MMP13: variants seen among roughly 807,000 people sequenced by gnomAD.
MMP13 encodes the protein matrix metallopeptidase 13, also known as collagenase 3.
MMP13 carries 45 observed loss-of-function variants against 52.1 expected under a neutral mutation model. That is an observed-to-expected ratio of 0.86 (90% CI 0.68 to 1.11). MMP13 has a LOEUF of 1.11. Among genes scored for constraint, MMP13 ranks in the 50% least tolerant of loss-of-function variants. MMP13 has a pLI of 0.00. For missense variants in MMP13, 576 were observed against 583.8 expected (o/e 0.99, Z 0.14); for synonymous variants, 200 against 204.4 (o/e 0.98, Z 0.18).
chr11:102,945,246 A>G (rs1555016533), intron 9 of MMP13: 2 of 953,096 alleles, frequency 2.1e-6, no homozygotes, highest in South Asian at 4.2e-5. Context: ...TCTGTCAAAA[A>G]AAAAAAAAAA....
rs184801566 is a variant in MMP13 at position 102,952,837 on chromosome 11, T to G, written c.638-664A>C. 9.2e-5 allele frequency among the ~76,000 whole-genome samples: 14 copies of G among 152,172 alleles called. No homozygotes were observed. The East Asian group carries it at 2.1e-3, about 23-fold the overall frequency. ...CTCTAAGCATTCTGTCTGCCAATTTTGAGCCTCCTAATGCAGGTATTTCAA... is the reference window on the plus strand; with the variant it reads ...CTCTAAGCATTCTGTCTGCCAATTTGGAGCCTCCTAATGCAGGTATTTCAA... On this transcript the variant is annotated intron_variant, in intron 4 of 9. Coordinates refer to ENST00000260302, the MANE Select transcript of MMP13 (RefSeq NM_002427.4). This position sits in a 1 kb window ranked among gnomAD's most constrained non-coding sequence, Gnocchi z 4.3.
At position 102,952,414 on chromosome 11, in the gene MMP13, T is replaced by A. The variant is rs572460687; in HGVS notation, c.638-241A>T. Among the ~76,000 whole-genome samples the A allele has an allele frequency of 1.3e-5, 2 of 152,328 alleles. No individual in the cohort carries two copies. Among genetic ancestry groups the A allele is most frequent in the South Asian group, 4.1e-4 (2 of 4,830 alleles). On this transcript the variant is annotated intron_variant, in intron 4 of 9. Transcript: ENST00000260302. This position sits in a 1 kb window ranked among gnomAD's most constrained non-coding sequence, Gnocchi z 4.3. Reference sequence around the variant, plus strand: ...ATTATAGCTGCCTACACAATTAGAATGTCAACAGATTACTCTCATGTAATT... The same window carrying A: ...ATTATAGCTGCCTACACAATTAGAAAGTCAACAGATTACTCTCATGTAATT...
rs782597212 is a variant in MMP13, at chr11:102,949,107, C to T, written c.969G>A (p.Thr323=). The part of the protein sequence containing the change: ...PQQVDAELFL[T]KSFWPELPNR... ...TGGGAAGTTCTGGCCAAAATGATTT[C>T]GTTAAAAACAGCTCCGCATCAACCT... Residue 323 remains threonine, a synonymous_variant, in exon 7 of 10, where the codon ACG becomes ACA. Coordinates refer to ENST00000260302, the MANE Select transcript of MMP13 (RefSeq NM_002427.4). This position sits in a 1 kb window ranked among gnomAD's most constrained non-coding sequence, Gnocchi z 4.2. The T allele has an allele frequency of 3.7e-6, 6 of 1,613,674 alleles. No individual in the cohort carries two copies. Among genetic ancestry groups the T allele is most frequent in the South Asian group, 1.1e-5 (1 of 91,086 alleles).
intron 8 of MMP13, among the ~76,000 whole-genome samples, chr11:102,946,470 CG>C (rs1404406369): frequency 6.6e-6 from 1 of 152,170 alleles, no homozygotes; most frequent in Non-Finnish European, 1.5e-5. Context: ...ATAACTGCAA[CG>C]CCAGGCAATA....
At chr11:102,947,205 T>C (rs1458657692) in intron 8 of MMP13, among the ~76,000 whole-genome samples, 1 of 152,190 alleles carries the variant, frequency 6.6e-6, no homozygotes, top group Non-Finnish European at 1.5e-5. Flanking sequence ...GCTGGTATCC[T>C]CTTTGGCCAC....
rs1451869364 is a variant in MMP13, at chr11:102,950,135, C to T, written c.892G>A (p.Gly298Arg). ...CTGTCTTTAAAGATCATTGTTTCTCCTCGGAGACTGGTAATGGCATCAAGG... is the reference window on the plus strand; with the variant it reads ...CTGTCTTTAAAGATCATTGTTTCTCTTCGGAGACTGGTAATGGCATCAAGG... ...LSLDAITSLR[G>R]ETMIFKDRFF... Residue 298 changes from glycine to arginine, a missense_variant, in exon 6 of 10, where the codon GGA (glycine) becomes AGA (arginine). Gly to Arg is a moderately radical substitution (Grantham distance 125, BLOSUM62 -2). Transcript: ENST00000260302. 1 of 1,612,686 alleles carries T rather than the reference C, an allele frequency of 6.2e-7. No individual in the cohort carries two copies. Among genetic ancestry groups the T allele is most frequent in the Non-Finnish European group, 8.5e-7 (1 of 1,178,872 alleles).
At chr11:102,948,114 C>T (rs1307880072) in intron 7 of MMP13, 64 bp from the exon 8 acceptor site, 2 of 1,418,898 alleles carry the variant, frequency 1.4e-6, no homozygotes, top group Non-Finnish European at 2.0e-6. Flanking sequence ...CATATATAGA[C>T]ATGTGCTTAA....
At chr11:102,950,418 T>A (rs956666193) in intron 5 of MMP13, among the ~76,000 whole-genome samples, 191 bp from the exon 6 acceptor site, 1 of 152,100 alleles carries the variant, frequency 6.6e-6, no homozygotes, top group African/African-American at 2.4e-5. Context: ...TCCACTTCCA[T>A]CCTTCAAGAC....
At chr11:102,951,076 T>C (rs1442839242) in intron 5 of MMP13, among the ~76,000 whole-genome samples, 1 of 152,184 alleles carries the variant, frequency 6.6e-6, no homozygotes, top group Non-Finnish European at 1.5e-5. Context: ...GCTTTAACTC[T>C]ATAACAGGTC....
At chr11:102,951,651 G>A (rs1397302334) in intron 5 of MMP13, among the ~76,000 whole-genome samples, 1 of 152,086 alleles carries the variant, frequency 6.6e-6, no homozygotes, top group Non-Finnish European at 1.5e-5. Flanking sequence ...AAAATGTGTT[G>A]TTAGGAGATT....
In MMP13 at chr11:102,949,163, C is replaced by T; in HGVS notation, c.918-5G>A. 1 of 1,613,320 alleles carries T rather than the reference C, an allele frequency of 6.2e-7. No individual in the cohort carries two copies. Among genetic ancestry groups the T allele is most frequent in the Non-Finnish European group, 8.5e-7 (1 of 1,179,668 alleles). On this transcript the variant is annotated splice_polypyrimidine_tract_variant and splice_region_variant and intron_variant, in intron 6 of 9. Coordinates refer to ENST00000260302, the MANE Select transcript of MMP13 (RefSeq NM_002427.4). The surrounding 1 kb of genome is among the most constrained non-coding windows in gnomAD (Gnocchi z 4.2). ...GGATGCAGGCGCCAGAAGAATCTAA[C>T]ACAAAAGTAAAATGGAGTTTTCTGT... is the stretch of plus-strand genomic sequence containing the variant.
intron 8 of MMP13, among the ~76,000 whole-genome samples, chr11:102,945,969 T>A (rs1337972227): frequency 1.3e-5 from 2 of 152,228 alleles, no homozygotes; most frequent in African/African-American, 2.4e-5. Flanking sequence ...GCCATCTTTT[T>A]AAAGAGAGTT....
At position 102,952,955 on chromosome 11, in the gene MMP13, G is replaced by A. The variant is rs1189685110; in HGVS notation, c.638-782C>T. Among the ~76,000 whole-genome samples the A allele has an allele frequency of 1.3e-5, 2 of 152,148 alleles. No individual in the cohort carries two copies. The highest frequency in any genetic ancestry group is 2.9e-5 in the Non-Finnish European group (2 of 68,010). ...CTGTGCTTAGATTACCTGAAAACTA[G>A]AGCCAGTGGATTCCATTTGACCTTA... On this transcript the variant is annotated intron_variant, in intron 4 of 9. Coordinates refer to ENST00000260302, the MANE Select transcript of MMP13 (RefSeq NM_002427.4). The surrounding 1 kb of genome is among the most constrained non-coding windows in gnomAD (Gnocchi z 4.3).
rs1370631708 is a variant in MMP13, at chr11:102,952,352, T to C, written c.638-179A>G. ...GTTGCTTGAAGGAAGATTCAAAGTA[T>C]TGATTTAATCCTTATAAATAATTTA... is the stretch of plus-strand genomic sequence containing the variant. On this transcript the variant is annotated intron_variant, in intron 4 of 9. Coordinates refer to ENST00000260302, the MANE Select transcript of MMP13 (RefSeq NM_002427.4). The surrounding 1 kb of genome is among the most constrained non-coding windows in gnomAD (Gnocchi z 4.3). Among the ~76,000 whole-genome samples, 1 of 152,204 alleles carries C rather than the reference T, an allele frequency of 6.6e-6. No individual in the cohort carries two copies. The highest frequency in any genetic ancestry group is 1.5e-5 in the Non-Finnish European group (1 of 68,034).
At position 102,949,046 on chromosome 11, in the gene MMP13, C is replaced by A. The variant is rs2134516850; in HGVS notation, c.1030G>T (p.Asp344Tyr). The change falls in exon 7 of 10, where the codon GAC (aspartate) becomes TAC (tyrosine). Residue 344 changes from aspartate to tyrosine, a missense_variant. By Grantham distance (160) the Asp-to-Tyr change is radical. Transcript: ENST00000260302. The surrounding 1 kb of genome is among the most constrained non-coding windows in gnomAD (Gnocchi z 4.2). ...IDAAYEHPSH[D>Y]LIFIFRGRKF... ...TTACCTCTGAAGATGAAGATGAGGTCATGAGAAGGGTGCTCATATGCAGCA... is the reference window on the plus strand; with the variant it reads ...TTACCTCTGAAGATGAAGATGAGGTAATGAGAAGGGTGCTCATATGCAGCA... 6.2e-7 allele frequency: 1 copy of A among 1,613,810 alleles called. No individual in the cohort carries two copies. The highest frequency in any genetic ancestry group is 1.1e-5 in the South Asian group (1 of 91,068).
chr11:102,945,362 T>A, intron 9 of MMP13: 1 of 958,144 alleles, frequency 1.0e-6, no homozygotes, highest in Non-Finnish European at 1.3e-6. Context: ...ATTCTGGCAA[T>A]ATCCTTGCAT....
intron 7 of MMP13, 86 bp from the exon 8 acceptor site, chr11:102,948,136 CT>C: frequency 9.8e-7 from 1 of 1,018,012 alleles, no homozygotes; most frequent in Non-Finnish European, 1.5e-6. Flanking sequence ...GACAGGCCCA[CT>C]TTTACATTGA....
Position 102,954,454 on chromosome 11 carries a change from T to C in MMP13, c.511+4A>G, listed in dbSNP as rs1440900540. ...ATGTTTGTAAAATAAATGTGCATCA[T>C]TACCCTTAATTCCAAAAGAGATCAT... On this transcript the variant is annotated splice_donor_region_variant and intron_variant, in intron 3 of 9. Transcript: ENST00000260302. 6.2e-7 allele frequency: 1 copy of C among 1,613,024 alleles called. No individual in the cohort carries two copies. Among genetic ancestry groups the C allele is most frequent in the East Asian group, 2.2e-5 (1 of 44,842 alleles).
Position 102,954,618 on chromosome 11 carries a change from A to C in MMP13, c.363-12T>G. On this transcript the variant is annotated splice_polypyrimidine_tract_variant and intron_variant, in intron 2 of 9. Transcript: ENST00000260302. ...TGTAATTCACAATTCTATTTAACAG[A>C]GAAAGTTTCAATGAACTTTTTGGAA... 6.2e-7 allele frequency: 1 copy of C among 1,612,888 alleles called. No individual in the cohort carries two copies.
Sources: gnomAD v4.1 joint callset for allele counts (sites outside exome capture counted in the v4.1 genomes callset) on GRCh38, gnomAD v4.1.1 for gene constraint, Gnocchi (gnomAD v3.1) non-coding constraint, MANE v1.5 for transcripts, NCBI Gene and HGNC (gene_info 2026-07-23, HGNC 2026-07-21) for gene names.